SLC38A6: variants seen among roughly 807,000 people sequenced by gnomAD.
SLC38A6 encodes the protein N system amino acid transporter NAT-1.
A neutral mutation model predicts 65.0 loss-of-function variants in SLC38A6; 73 were observed. The ratio of observed to expected loss-of-function variants is 1.12; its 90% CI spans 0.93 to 1.37. SLC38A6 has a LOEUF of 1.37. Ranked by LOEUF, SLC38A6 falls within the 40% of genes most tolerant of loss-of-function variation. The pLI, the probability that SLC38A6 is intolerant of heterozygous loss-of-function variation, is 0.00. For synonymous variants in SLC38A6, 183 were observed against 178.8 expected, an observed-to-expected ratio of 1.02 and a Z score of -0.19; for missense variants, 561 against 531.1, an observed-to-expected ratio of 1.06 and a Z score of -0.55.
At chr14:61,043,648 G>T in intron 10 of SLC38A6, 145 bp downstream of exon 10, 1 of 323,190 alleles carries the variant, frequency 3.1e-6, no homozygotes. Flanking sequence ...CCTACCAGAA[G>T]ACTACTATTA....
intron 3 of SLC38A6, among the ~76,000 whole-genome samples, chr14:60,996,081 C>T (rs2038274843): frequency 6.6e-6 from 1 of 152,178 alleles, no homozygotes; most frequent in Non-Finnish European, 1.5e-5. Context: ...AAATGTACCA[C>T]TCTGGTGCAG....
chr14:61,007,791 T>TA (rs778079187), intron 3 of SLC38A6, among the ~76,000 whole-genome samples: 6 of 152,138 alleles, frequency 3.9e-5, no homozygotes, highest in Non-Finnish European at 8.8e-5. Flanking sequence ...TAGAAAATGA[T>TA]ATGTACATAA....
chr14:61,029,978 T>C (rs558697841), intron 5 of SLC38A6, among the ~76,000 whole-genome samples: 27 of 152,252 alleles, frequency 1.8e-4, no homozygotes, highest in African/African-American at 6.5e-4. Context: ...GACTTCTCTG[T>C]TGTGGGGAGG....
intron 3 of SLC38A6, among the ~76,000 whole-genome samples, chr14:61,010,938 T>A (rs551047525): frequency 1.8e-4 from 28 of 152,236 alleles, no homozygotes; most frequent in African/African-American, 3.4e-4. Context: ...TGGTAGCTCG[T>A]TGGGGATGGC....
intron 15 of SLC38A6, among the ~76,000 whole-genome samples, chr14:61,062,527 A>G (rs1029673444): frequency 6.7e-6 from 1 of 149,796 alleles, no homozygotes; most frequent in African/African-American, 2.5e-5. Flanking sequence ...GGGTCTTGCT[A>G]TGTTGCCCCG....
chr14:61,010,279 C>A (rs1352191789), intron 3 of SLC38A6, among the ~76,000 whole-genome samples: 36 of 152,146 alleles, frequency 2.4e-4, no homozygotes, highest in Admixed American at 9.2e-4. Context: ...TGGATATTAG[C>A]CCTTTGTCAG....
chr14:61,075,435 G>A (rs962289175), intron 15 of SLC38A6, among the ~76,000 whole-genome samples: 2 of 152,174 alleles, frequency 1.3e-5, no homozygotes, highest in Admixed American at 6.5e-5. Context: ...GAGTCCGTGG[G>A]CACATCAGGA....
At chr14:60,982,438 T>C in intron 1 of SLC38A6, 70 bp from the exon 2 acceptor site, 1 of 1,568,742 alleles carries the variant, frequency 6.4e-7, no homozygotes, top group Non-Finnish European at 8.7e-7. Context: ...CTTTCATTTA[T>C]GGAATTTCTT....
At chr14:61,072,986 A>G (rs1393579892) in intron 15 of SLC38A6, among the ~76,000 whole-genome samples, 1 of 152,108 alleles carries the variant, frequency 6.6e-6, no homozygotes, top group East Asian at 1.9e-4. Flanking sequence ...ACTAATTTAC[A>G]TCCCCCCCAA....
chr14:61,053,637 A>G (rs539029625), downstream of SLC38A6, among the ~76,000 whole-genome samples: 167 of 152,158 alleles, frequency 1.1e-3, no homozygotes, highest in Non-Finnish European at 2.0e-3. Context: ...TCTAATGATC[A>G]GTGCTACTGA....
chr14:61,037,262 T>C (rs1479867973), intron 7 of SLC38A6, 121 bp downstream of exon 7: 4 of 695,584 alleles, frequency 5.8e-6, no homozygotes, highest in Non-Finnish European at 9.4e-6. Context: ...AGAAGGATGG[T>C]GGTTGTGTAT....
chr14:60,992,851 C>T (rs1391502507), intron 3 of SLC38A6, among the ~76,000 whole-genome samples: 1 of 141,150 alleles, frequency 7.1e-6, no homozygotes, highest in South Asian at 2.3e-4. Context: ...TGCCTCCAAA[C>T]TTTTTTTTTT....
chr14:61,000,346 T>C (rs1426725090), intron 3 of SLC38A6, among the ~76,000 whole-genome samples: 2 of 152,248 alleles, frequency 1.3e-5, no homozygotes, highest in African/African-American at 4.8e-5. Context: ...TTAAAAATTC[T>C]TGGGCAGGCC....
At chr14:61,047,576 A>G (rs1288878751) in intron 12 of SLC38A6, among the ~76,000 whole-genome samples, 3 of 152,180 alleles carry the variant, frequency 2.0e-5, no homozygotes, top group Non-Finnish European at 4.4e-5. Context: ...ATTGTGCTAT[A>G]GAAGCCAGAT....
At chr14:61,015,865 G>C in intron 3 of SLC38A6, 39 bp from the exon 4 acceptor site, 6 of 1,528,558 alleles carry the variant, frequency 3.9e-6, no homozygotes, top group Non-Finnish European at 5.4e-6. Context: ...CACATAAATA[G>C]TTTTGTGTAA....
Position 61,045,353 on chromosome 14 carries a change from A to G in SLC38A6, c.752A>G (p.Tyr251Cys), listed in dbSNP as rs45523838. The G allele has an allele frequency of 8.4e-4, 1,363 of 1,613,276 alleles. 4 individuals carry two copies. Among genetic ancestry groups the G allele is most frequent in the Non-Finnish European group, 9.0e-4 (1,058 of 1,179,460 alleles). Reference sequence around the variant, plus strand: ...CTTTAAAATTTTTTTCAGAGTGCTTATGCCTTACCAACCATGGCTTTTTCA... The same window carrying G: ...CTTTAAAATTTTTTTCAGAGTGCTTGTGCCTTACCAACCATGGCTTTTTCA... ...KLFHFSKESA[Y>C]ALPTMAFSFL... The change falls in exon 11 of 16, where the codon TAT becomes TGT. Residue 251 changes from tyrosine to cysteine, a missense_variant. Coordinates refer to ENST00000267488, the MANE Select transcript of SLC38A6 (RefSeq NM_153811.3).
downstream of SLC38A6, chr14:61,052,770 G>A (rs552670595): frequency 1.3e-4 from 21 of 158,976 alleles, no homozygotes; most frequent in Non-Finnish European, 1.6e-4. Context: ...TAACTCTTGC[G>A]TTCATGTGGT....
At chr14:61,075,543 T>TTTACTAGTC (rs1261601710) in intron 15 of SLC38A6, among the ~76,000 whole-genome samples, 15 of 152,236 alleles carry the variant, frequency 9.9e-5, no homozygotes, top group Non-Finnish European at 1.6e-4. Flanking sequence ...ATTGGCAATA[T>TTTACTAGTC]ATTGTCATTT....
chr14:61,028,273 G>A (rs987844717), intron 5 of SLC38A6, among the ~76,000 whole-genome samples: 14 of 152,140 alleles, frequency 9.2e-5, no homozygotes, highest in African/African-American at 3.1e-4. Context: ...TGTGGTGTTG[G>A]ATTAATCCAA....
Sources: gnomAD v4.1 joint callset for allele counts (sites outside exome capture counted in the v4.1 genomes callset) on GRCh38, gnomAD v4.1.1 for gene constraint, MANE v1.5 for transcripts, NCBI Gene and HGNC (gene_info 2026-07-23, HGNC 2026-07-21) for gene names.